Variants in VRK1 observed in about 807,000 individuals in gnomAD.
The protein encoded by VRK1 is serine/threonine-protein kinase VRK1.
A neutral mutation model predicts 57.1 loss-of-function variants in VRK1; 33 were observed. The observed-to-expected ratio is 0.58, with a 90% CI of 0.44 to 0.77. The LOEUF is 0.77. Among genes scored for constraint, VRK1 ranks in the 30% least tolerant of loss-of-function variants. VRK1 has a pLI of 0.00. For synonymous variants in VRK1, 137 were observed against 147.8 expected (o/e 0.93, Z 0.53); for missense variants, 413 against 477.3 (o/e 0.87, Z 1.25).
intron 11 of VRK1, among the ~76,000 whole-genome samples, chr14:96,861,517 T>C (rs1212368554): frequency 6.6e-6 from 1 of 152,158 alleles, no homozygotes; most frequent in African/African-American, 2.4e-5. Context: ...TTTACTGTCA[T>C]TAACTTTGCA....
At chr14:96,860,852 A>T in intron 11 of VRK1, 117 bp downstream of exon 11, 1 of 1,065,948 alleles carries the variant, frequency 9.4e-7, no homozygotes, top group Non-Finnish European at 1.4e-6. Context: ...ATGGCAATTA[A>T]GGCAAACATT....
At chr14:96,880,880 A>G (rs1013331226) in intron 12 of VRK1, among the ~76,000 whole-genome samples, 1 of 152,204 alleles carries the variant, frequency 6.6e-6, no homozygotes, top group African/African-American at 2.4e-5. Flanking sequence ...TTTGGAGAGA[A>G]ATATTTCAGT....
chr14:96,863,960 A>T (rs186128383), intron 11 of VRK1, among the ~76,000 whole-genome samples: 1 of 152,192 alleles, frequency 6.6e-6, no homozygotes, highest in Non-Finnish European at 1.5e-5. Flanking sequence ...ATTGTAGCCT[A>T]TAGTTTCAGT....
intron 12 of VRK1, 94 bp downstream of exon 12, chr14:96,876,214 C>T (rs375422319): frequency 3.1e-5 from 36 of 1,149,998 alleles, no homozygotes; most frequent in East Asian, 1.2e-4. Flanking sequence ...GGGTCATGAC[C>T]TTTTGATTTT....
rs777074769 is a variant in VRK1, at chr14:96,860,741, T to G, written c.1068+6T>G. On this transcript the variant is annotated splice_donor_region_variant and intron_variant, in intron 11 of 12. Coordinates refer to ENST00000216639, the MANE Select transcript of VRK1 (RefSeq NM_003384.3). ...AAGCAAAAACAATAACAAAGGTGAA[T>G]TTTGTTATTAAATTATTCTTTGGTC... The G allele has an allele frequency of 6.2e-7, 1 of 1,611,700 alleles. No homozygotes were observed. Among genetic ancestry groups the G allele is most frequent in the Non-Finnish European group, 8.5e-7 (1 of 1,178,860 alleles).
chr14:96,847,205 T>A, intron 4 of VRK1, 52 bp from the exon 5 acceptor site: 2 of 1,482,812 alleles, frequency 1.3e-6, no homozygotes, highest in South Asian at 1.2e-5. Flanking sequence ...TTTTAAAAAA[T>A]TATCATTTAT....
intron 1 of VRK1, among the ~76,000 whole-genome samples, chr14:96,824,793 A>G (rs965673891): frequency 1.3e-5 from 2 of 150,794 alleles, no homozygotes; most frequent in Non-Finnish European, 2.9e-5. Context: ...AGCTGGGACT[A>G]CAGGCATCCA....
intron 1 of VRK1, among the ~76,000 whole-genome samples, chr14:96,829,228 G>A (rs1886915616): frequency 6.7e-6 from 1 of 149,486 alleles, no homozygotes; most frequent in Non-Finnish European, 1.5e-5. Context: ...TTTTTTGAGA[G>A]GGAAGTGGGA....
chr14:96,833,290 TAA>T (rs1046446295), intron 1 of VRK1, among the ~76,000 whole-genome samples, 175 bp from the exon 2 acceptor site: 3 of 152,194 alleles, frequency 2.0e-5, no homozygotes, highest in Non-Finnish European at 4.4e-5. Context: ...TCTCCAAAGT[TAA>T]GAGATAATCA....
chr14:96,822,559 G>A lies in VRK1; in HGVS notation c.-5-10908G>A, dbSNP rs369415834. Among the ~76,000 whole-genome samples, 33 of 152,320 alleles carry A rather than the reference G, an allele frequency of 2.2e-4. No homozygotes were observed. The South Asian group carries it at 5.6e-3, about 26-fold the overall frequency. On this transcript the variant is annotated intron_variant, in intron 1 of 12. Coordinates refer to ENST00000216639, the MANE Select transcript of VRK1 (RefSeq NM_003384.3). ...GGTGACTTGTGACAGAGGCACTACA[G>A]AAGCACTTAACATTTTGGATTTGTA...
chr14:96,850,881 C>T (rs1887918681), intron 5 of VRK1, among the ~76,000 whole-genome samples: 1 of 152,152 alleles, frequency 6.6e-6, no homozygotes, highest in Admixed American at 6.5e-5. Context: ...ATCTTGTTGG[C>T]ACTAAAAACA....
At chr14:96,837,937 T>TA in intron 3 of VRK1, 120 bp downstream of exon 3, 1 of 549,076 alleles carries the variant, frequency 1.8e-6, no homozygotes, top group Non-Finnish European at 2.9e-6. Context: ...TTTAATAACT[T>TA]AAAAAATATT....
intron 1 of VRK1, among the ~76,000 whole-genome samples, chr14:96,813,879 C>T (rs1280105179): frequency 6.6e-6 from 1 of 151,976 alleles, no homozygotes; most frequent in East Asian, 1.9e-4. Context: ...GTTGTAAGGC[C>T]GTGGACAAAT....
chr14:96,837,674 A>C, intron 2 of VRK1, 88 bp from the exon 3 acceptor site: 2 of 758,392 alleles, frequency 2.6e-6, no homozygotes, highest in Non-Finnish European at 3.9e-6. Context: ...AGTGTATTCT[A>C]TCAAGGGTTA....
At chr14:96,860,236 T>C (rs1346722160) in intron 10 of VRK1, among the ~76,000 whole-genome samples, 1 of 152,152 alleles carries the variant, frequency 6.6e-6, no homozygotes, top group African/African-American at 2.4e-5. Flanking sequence ...TTTCTAATCT[T>C]TATTCTAGAT....
intron 3 of VRK1, among the ~76,000 whole-genome samples, chr14:96,841,345 T>C (rs752806926): frequency 5.3e-5 from 8 of 152,214 alleles, no homozygotes; most frequent in Non-Finnish European, 8.8e-5. Context: ...GTATTTTCTA[T>C]ATGCTTAAGG....
At chr14:96,866,815 A>G (rs1176128493) in intron 11 of VRK1, among the ~76,000 whole-genome samples, 1 of 152,154 alleles carries the variant, frequency 6.6e-6, no homozygotes, top group Non-Finnish European at 1.5e-5. Context: ...AAGCTATGAT[A>G]CTTCTGTTTG....
intron 11 of VRK1, among the ~76,000 whole-genome samples, chr14:96,865,943 T>A (rs1010245440): frequency 2.0e-5 from 3 of 152,158 alleles, no homozygotes; most frequent in East Asian, 1.9e-4. Flanking sequence ...CTCTATTTTT[T>A]AAAAAAAGTA....
intron 1 of VRK1, among the ~76,000 whole-genome samples, chr14:96,829,551 A>G (rs1886928097): frequency 6.6e-6 from 1 of 152,090 alleles, no homozygotes; most frequent in Non-Finnish European, 1.5e-5. Context: ...TCTATCTTTT[A>G]TCTCTGTCTC....
Sources: gnomAD v4.1 joint callset for allele counts (sites outside exome capture counted in the v4.1 genomes callset) on GRCh38, gnomAD v4.1.1 for gene constraint, MANE v1.5 for transcripts, NCBI Gene and HGNC (gene_info 2026-07-23, HGNC 2026-07-21) for gene names.